The following CHD5 variants were observed in gnomAD, a reference collection of about 807,000 sequenced individuals.
The protein encoded by CHD5 is ATP-dependent chromatin remodeler CHD5.
Under a neutral mutation model 230.3 loss-of-function variants are expected in CHD5, and 69 were observed. That is an observed-to-expected ratio of 0.30 (90% confidence interval 0.25 to 0.37). The LOEUF is 0.37. Ranked by LOEUF, CHD5 falls within the 10% of genes least tolerant of loss-of-function variation. The probability of loss-of-function intolerance (pLI) is 1.00; values close to 1 mark genes in which losing one functional copy is unlikely to be tolerated. For synonymous variants in CHD5, 1,064 were observed against 1,065.9 expected (o/e 1.00, Z 0.03); for missense variants, 1,827 against 2,622.8 (o/e 0.70, Z 6.63).
At chr1:6,133,599 G>A (rs1048272946) in intron 20 of CHD5, among the ~76,000 whole-genome samples, 5 of 152,272 alleles carry the variant, frequency 3.3e-5, no homozygotes, top group African/African-American at 1.2e-4. Flanking sequence ...GTCTCCCACA[G>A]TAGACTGAGC....
intron 3 of CHD5, among the ~76,000 whole-genome samples, chr1:6,158,453 A>G (rs916210910): frequency 6.6e-6 from 1 of 152,236 alleles, no homozygotes; most frequent in Non-Finnish European, 1.5e-5. Flanking sequence ...GCTCCAAGCA[A>G]GAGGTTCCTG....
chr1:6,171,108 C>T (rs370420561), intron 1 of CHD5, among the ~76,000 whole-genome samples: 1 of 152,258 alleles, frequency 6.6e-6, no homozygotes, highest in East Asian at 1.9e-4. Flanking sequence ...AAACCCAGCC[C>T]AGCACATGGT....
At position 6,128,353 on chromosome 1, in the gene CHD5, G is replaced by C; in HGVS notation, c.3731-135C>G. On this transcript the variant is annotated intron_variant, in intron 24 of 41. Coordinates refer to ENST00000262450, the MANE Select transcript of CHD5 (RefSeq NM_015557.3). The surrounding 1 kb of genome is among the most constrained non-coding windows in gnomAD (Gnocchi z 7.8). ...AGCTGAGAGGCATGGTGACCAGACA[G>C]AGGAAACTGCGCTGTAACAGCCCCA... 2 of 1,126,586 alleles carry C rather than the reference G, an allele frequency of 1.8e-6. No homozygotes were observed. The highest frequency in any genetic ancestry group is 4.1e-5 in the Admixed American group (2 of 48,434). The allele number at this position is 1,126,586 out of a possible 1,614,324, so 69.8% of individuals were successfully genotyped here. A position where few individuals can be genotyped will look rare whatever the true frequency, so the allele number is the denominator to read the frequency against.
At position 6,124,093 on chromosome 1, in the gene CHD5, C is replaced by T. The variant is rs2100841810; in HGVS notation, c.4554G>A (p.Glu1518=). ...GGGTGCTGTACTTCCCGTTGACATG[C>T]TCAAACTCCTGAACCTGGGGTGGTG... ...SLVRKKVQEF[E]HVNGKYSTPD... Residue 1518 remains glutamate (E), a synonymous_variant, in exon 31 of 42, where the codon GAG becomes GAA. Transcript: ENST00000262450. The T allele has an allele frequency of 6.8e-6, 11 of 1,611,960 alleles. No individual in the cohort carries two copies. Among genetic ancestry groups the T allele is most frequent in the Non-Finnish European group, 8.5e-6 (10 of 1,179,434 alleles).
rs961810783 is a variant in CHD5, at chr1:6,130,489, A to G, written c.3263-161T>C. Among the ~76,000 whole-genome samples, 9 of 152,058 alleles carry G rather than the reference A, an allele frequency of 5.9e-5. No homozygotes were observed. The highest frequency in any genetic ancestry group is 1.2e-4 in the Non-Finnish European group (8 of 67,990). On this transcript the variant is annotated intron_variant, in intron 21 of 41. Transcript: ENST00000262450. This position sits in a 1 kb window ranked among gnomAD's most constrained non-coding sequence, Gnocchi z 4.9. The stretch of plus-strand genomic sequence containing the variant: ...ATCAGAGACGGGTGGCCACAGCTGC[A>G]CTCAGGGGAGCCAGAGGAGGCCTGC...
intron 3 of CHD5, among the ~76,000 whole-genome samples, chr1:6,156,663 G>A (rs1395802230): frequency 1.3e-5 from 2 of 152,212 alleles, no homozygotes; most frequent in Non-Finnish European, 2.9e-5. Context: ...TGGGGCAGGG[G>A]CATGGGACAA....
intron 31 of CHD5, among the ~76,000 whole-genome samples, chr1:6,122,535 C>T (rs750049976): frequency 6.6e-6 from 1 of 152,142 alleles, no homozygotes; most frequent in Non-Finnish European, 1.5e-5. Flanking sequence ...ACAATACTAG[C>T]AGGAATGTAA....
Position 6,131,802 on chromosome 1 carries a change from G to T in CHD5, c.3145-54C>A. 1 of 1,180,280 alleles carries T rather than the reference G, an allele frequency of 8.5e-7. No homozygotes were observed. The highest frequency in any genetic ancestry group is 1.3e-6 in the Non-Finnish European group (1 of 796,784). The allele number at this position is 1,180,280 out of a possible 1,614,324, so 73.1% of individuals were successfully genotyped here. On this transcript the variant is annotated intron_variant, in intron 20 of 41. Transcript: ENST00000262450. The surrounding 1 kb of genome is among the most constrained non-coding windows in gnomAD (Gnocchi z 5.0). ...TGCCAAGGAGCAAGGGGCCCCATGGGCCATGGGCGGGGACCCCGCCACAGG... is the reference window on the plus strand; with the variant it reads ...TGCCAAGGAGCAAGGGGCCCCATGGTCCATGGGCGGGGACCCCGCCACAGG...
At chr1:6,114,168 G>A (rs547306903) in intron 33 of CHD5, among the ~76,000 whole-genome samples, 3 of 151,800 alleles carry the variant, frequency 2.0e-5, no homozygotes, top group South Asian at 2.1e-4. Context: ...CAGGAGAATC[G>A]CTTGAACCCG....
intron 36 of CHD5, among the ~76,000 whole-genome samples, chr1:6,111,344 G>A (rs1232907756): frequency 1.3e-5 from 2 of 151,730 alleles, no homozygotes; most frequent in Non-Finnish European, 2.9e-5. Flanking sequence ...GACCAGCCTA[G>A]CCAACATGGT....
At chr1:6,115,388 G>A (rs1264282174) in intron 33 of CHD5, among the ~76,000 whole-genome samples, 1 of 152,176 alleles carries the variant, frequency 6.6e-6, no homozygotes, top group Admixed American at 6.5e-5. Flanking sequence ...AGGTGAAGAG[G>A]ACAAACTCGA....
chr1:6,175,566 G>T (rs1332609449), intron 1 of CHD5, among the ~76,000 whole-genome samples: 1 of 151,678 alleles, frequency 6.6e-6, no homozygotes, highest in Non-Finnish European at 1.5e-5. Context: ...TGGGTGGATG[G>T]TGGATGGACA....
intron 33 of CHD5, among the ~76,000 whole-genome samples, 179 bp downstream of exon 33, chr1:6,120,926 G>A (rs74224512): frequency 0.19 from 28,807 of 151,718 alleles, 3,031 homozygotes; most frequent in East Asian, 0.41. Context: ...AGTCCATTAA[G>A]TCCATGTATA....
At position 6,126,468 on chromosome 1, in the gene CHD5, G is replaced by A. The variant is rs566567906; in HGVS notation, c.4078+104C>T. Reference sequence around the variant, plus strand: ...CCTGGCACACTCGCCCAGCTCTCCCGGCCCGCACCTCCCGGGGGTTCTGCA... The same window carrying A: ...CCTGGCACACTCGCCCAGCTCTCCCAGCCCGCACCTCCCGGGGGTTCTGCA... On this transcript the variant is annotated intron_variant, in intron 26 of 41. Transcript: ENST00000262450. The surrounding 1 kb of genome is among the most constrained non-coding windows in gnomAD (Gnocchi z 5.7). 12 of 661,676 alleles carry A rather than the reference G, an allele frequency of 1.8e-5. No individual in the cohort carries two copies. The highest frequency in any genetic ancestry group is 4.0e-4 in the Middle Eastern group (1 of 2,500). 41.0% of individuals were successfully genotyped at this position (661,676 alleles called of 1,614,324 possible).
At chr1:6,117,846 A>G (rs974173652) in intron 33 of CHD5, among the ~76,000 whole-genome samples, 23 of 152,206 alleles carry the variant, frequency 1.5e-4, no homozygotes, top group Admixed American at 6.5e-5. Flanking sequence ...TAAGAATGTG[A>G]ACTGATGCAA....
intron 1 of CHD5, among the ~76,000 whole-genome samples, chr1:6,173,828 C>T (rs1157412848): frequency 7.2e-5 from 11 of 152,162 alleles, no homozygotes; most frequent in Admixed American, 6.5e-4. Context: ...CGTTAGTCCT[C>T]GAACCTCCCC....
intron 2 of CHD5, among the ~76,000 whole-genome samples, chr1:6,164,565 C>A (rs1667224508): frequency 6.6e-6 from 1 of 152,206 alleles, no homozygotes; most frequent in Non-Finnish European, 1.5e-5. Flanking sequence ...CCTGCCCTGG[C>A]CCCTTCACCC....
rs765305397 is a variant in CHD5, at chr1:6,164,087, G to T, written c.207+4063C>A. On this transcript the variant is annotated intron_variant, in intron 2 of 41. Transcript: ENST00000262450. ...CACAGCATGTGGTCGCAGCCCTGGG[G>T]ATCCCAATGGACAGTCCCGCCACCC... Among the ~76,000 whole-genome samples, 69 of 152,238 alleles carry T rather than the reference G, an allele frequency of 4.5e-4. 1 individual carries two copies. Among genetic ancestry groups the T allele is most frequent in the Non-Finnish European group, 9.8e-4 (67 of 68,050 alleles).
intron 38 of CHD5, among the ~76,000 whole-genome samples, chr1:6,107,743 A>AG: frequency 8.7e-6 from 1 of 115,336 alleles, no homozygotes; most frequent in Non-Finnish European, 1.9e-5. Context: ...GGGATGATGG[A>AG]TGATGGAGAG....
Sources: gnomAD v4.1 joint callset for allele counts (sites outside exome capture counted in the v4.1 genomes callset) on GRCh38, gnomAD v4.1.1 for gene constraint, Gnocchi (gnomAD v3.1) non-coding constraint, MANE v1.5 for transcripts, NCBI Gene and HGNC (gene_info 2026-07-23, HGNC 2026-07-21) for gene names.